The following CSNK1G1 variants were observed in gnomAD, a reference collection of about 807,000 sequenced individuals.
The protein encoded by CSNK1G1 is casein kinase I isoform gamma-1.
CSNK1G1 carries 22 observed loss-of-function variants against 59.6 expected under a neutral mutation model. The observed-to-expected ratio is 0.37, with a 90% CI of 0.26 to 0.53. The LOEUF is 0.53. Among genes scored for constraint, CSNK1G1 ranks in the 20% least tolerant of loss-of-function variants. The probability of loss-of-function intolerance (pLI) is 0.89; values close to 1 mark genes in which losing one functional copy is unlikely to be tolerated. For synonymous variants in CSNK1G1, 179 were observed against 177.1 expected, an observed-to-expected ratio of 1.01 and a Z score of -0.08; for missense variants, 384 against 519.5, an observed-to-expected ratio of 0.74 and a Z score of 2.54.
chr15:64,326,825 C>T (rs1312279460), intron 1 of CSNK1G1, among the ~76,000 whole-genome samples: 3 of 146,886 alleles, frequency 2.0e-5, no homozygotes, highest in East Asian at 3.9e-4. Context: ...GCGCACCGTG[C>T]GCGAGCCGAA....
intron 1 of CSNK1G1, among the ~76,000 whole-genome samples, chr15:64,321,380 C>T (rs1019815395): frequency 4.0e-5 from 6 of 151,630 alleles, no homozygotes; most frequent in African/African-American, 1.5e-4. Flanking sequence ...CTCAGCTTTC[C>T]CCGCAGATGG....
chr15:64,233,175 C>A (rs1320428863), intron 4 of CSNK1G1, among the ~76,000 whole-genome samples: 1 of 152,136 alleles, frequency 6.6e-6, no homozygotes, highest in Non-Finnish European at 1.5e-5. Context: ...CTGCACTTTG[C>A]AAAATGATGC....
In CSNK1G1 at chr15:64,251,520, C is replaced by A; in HGVS notation, c.284G>T (p.Gly95Val). ...HLEYRFYKQL[G>V]SAGEGLPQVY... The stretch of plus-strand genomic sequence containing the variant: ...GAAAAGACTTGACTTACCTGCACTG[C>A]CAAGCTGTTTATAAAATCTGTACTC... The change falls in exon 4 of 12, where the codon GGC becomes GTC. Residue 95 changes from glycine to valine, a missense_variant. This residue lies in a region of CSNK1G1 where 325 missense variants were observed against 440.9 expected (regional missense o/e 0.74). Coordinates refer to ENST00000303052, the MANE Select transcript of CSNK1G1 (RefSeq NM_022048.5). 6.2e-7 allele frequency: 1 copy of A among 1,610,410 alleles called. No individual in the cohort carries two copies. Among genetic ancestry groups the A allele is most frequent in the Non-Finnish European group, 8.5e-7 (1 of 1,177,338 alleles).
intron 1 of CSNK1G1, among the ~76,000 whole-genome samples, chr15:64,332,994 T>C (rs1407744024): frequency 5.3e-5 from 8 of 152,118 alleles, no homozygotes; most frequent in Non-Finnish European, 7.4e-5. Context: ...CAGTGGCCCA[T>C]GCCTGTAATC....
chr15:64,177,434 A>C (rs1198446212), intron 11 of CSNK1G1, among the ~76,000 whole-genome samples: 1 of 152,166 alleles, frequency 6.6e-6, no homozygotes, highest in Non-Finnish European at 1.5e-5. Flanking sequence ...AAAATAACAC[A>C]TGGCTGGGCC....
At chr15:64,297,117 C>T (rs1895069389) in intron 2 of CSNK1G1, among the ~76,000 whole-genome samples, 1 of 151,514 alleles carries the variant, frequency 6.6e-6, no homozygotes, top group African/African-American at 2.4e-5. Flanking sequence ...AGAATCCCTG[C>T]CCTTTAAAGG....
chr15:64,202,421 G>C (rs1289352695), intron 10 of CSNK1G1, among the ~76,000 whole-genome samples: 1 of 151,836 alleles, frequency 6.6e-6, no homozygotes, highest in Non-Finnish European at 1.5e-5. Context: ...TGGCGAGTAG[G>C]GCTACTCCAC....
rs117802105 is a variant in CSNK1G1, at chr15:64,271,702, T to C, written c.182-12461A>G. ...CAAATATGTGGTTGATTTTAGAGTA[T>C]ATGCCATGTGGTGATGAGAAGAATG... On this transcript the variant is annotated intron_variant, in intron 2 of 11. Transcript: ENST00000303052. Among the ~76,000 whole-genome samples, 879 of 152,348 alleles carry C rather than the reference T, an allele frequency of 5.8e-3. 3 individuals carry two copies. Among genetic ancestry groups the C allele is most frequent in the Non-Finnish European group, 9.6e-3 (650 of 68,030 alleles).
At chr15:64,174,481 A>C (rs1330810224) in intron 11 of CSNK1G1, among the ~76,000 whole-genome samples, 1 of 152,220 alleles carries the variant, frequency 6.6e-6, no homozygotes, top group Non-Finnish European at 1.5e-5. Flanking sequence ...AGGATCTATT[A>C]AACTGGGTCA....
At chr15:64,213,562 A>G (rs1309178700) in intron 6 of CSNK1G1, among the ~76,000 whole-genome samples, 1 of 152,222 alleles carries the variant, frequency 6.6e-6, no homozygotes. Flanking sequence ...CTTCAGGACT[A>G]TCATATATAG....
rs115772092 is a variant in CSNK1G1, at chr15:64,233,779, A to G, written c.293-17066T>C. On this transcript the variant is annotated intron_variant, in intron 4 of 11. Transcript: ENST00000303052. ...CTTGGAAGAAGAGATGGAAATTCAT[A>G]GTATCACTATTTAAGCTCCATTTAA... Among the ~76,000 whole-genome samples the G allele has an allele frequency of 1.6e-3, 245 of 152,290 alleles. 2 individuals carry two copies. Among genetic ancestry groups the G allele is most frequent in the African/African-American group, 5.7e-3 (236 of 41,562 alleles).
chr15:64,216,158 G>C lies in CSNK1G1; in HGVS notation c.444+404C>G, dbSNP rs1048775144. ...GAGAATCACTTGAGCCTAGGAGTTT[G>C]AGGTTGCACTGAGCTATGATCATGC... On this transcript the variant is annotated intron_variant, in intron 5 of 11. Coordinates refer to ENST00000303052, the MANE Select transcript of CSNK1G1 (RefSeq NM_022048.5). The surrounding 1 kb of genome is among the most constrained non-coding windows in gnomAD (Gnocchi z 4.6). 2.6e-5 allele frequency among the ~76,000 whole-genome samples: 4 copies of C among 152,080 alleles called. No individual in the cohort carries two copies. The highest frequency in any genetic ancestry group is 6.6e-5 in the Admixed American group (1 of 15,258).
At chr15:64,183,766 C>T (rs1458496231) in intron 10 of CSNK1G1, among the ~76,000 whole-genome samples, 1 of 148,026 alleles carries the variant, frequency 6.8e-6, no homozygotes, top group African/African-American at 2.5e-5. Flanking sequence ...GATGGAATCT[C>T]GCTCTGTTGC....
At chr15:64,351,484 A>C (rs953896325) in intron 1 of CSNK1G1, among the ~76,000 whole-genome samples, 23 of 152,324 alleles carry the variant, frequency 1.5e-4, no homozygotes, top group Admixed American at 1.2e-3. Flanking sequence ...TTTGAGAGGA[A>C]GTGGTGATTG....
intron 3 of CSNK1G1, among the ~76,000 whole-genome samples, chr15:64,257,478 C>T (rs931946766): frequency 2.0e-5 from 3 of 152,080 alleles, no homozygotes; most frequent in African/African-American, 7.2e-5. Flanking sequence ...TACTAGAGAA[C>T]ACTTTTAAGA....
At chr15:64,339,733 T>C (rs1041113935) in intron 1 of CSNK1G1, among the ~76,000 whole-genome samples, 7 of 152,224 alleles carry the variant, frequency 4.6e-5, no homozygotes, top group African/African-American at 1.7e-4. Context: ...GGAGGAGCAG[T>C]AGTGCCCACT....
At chr15:64,259,114 G>T in intron 3 of CSNK1G1, 87 bp downstream of exon 3, 3 of 1,171,364 alleles carry the variant, frequency 2.6e-6, no homozygotes, top group South Asian at 3.0e-5. Context: ...GCAGTTTTGC[G>T]AATGAATGCT....
chr15:64,222,502 T>C (rs1268402513), intron 4 of CSNK1G1, among the ~76,000 whole-genome samples: 1 of 150,432 alleles, frequency 6.6e-6, no homozygotes, highest in African/African-American at 2.4e-5. Context: ...TCCAAATTCT[T>C]ATGGCCAGGA....
At chr15:64,303,629 G>A (rs947568798) in intron 1 of CSNK1G1, among the ~76,000 whole-genome samples, 1 of 151,912 alleles carries the variant, frequency 6.6e-6, no homozygotes, top group African/African-American at 2.4e-5. Flanking sequence ...GTGCATGCCT[G>A]TAATCCCAGC....
Sources: gnomAD v4.1 joint callset for allele counts (sites outside exome capture counted in the v4.1 genomes callset) on GRCh38, gnomAD v4.1.1 for gene constraint, gnomAD v4.1.1 regional missense constraint, Gnocchi (gnomAD v3.1) non-coding constraint, MANE v1.5 for transcripts, NCBI Gene and HGNC (gene_info 2026-07-23, HGNC 2026-07-21) for gene names.